The following TXK variants were observed in gnomAD, a reference collection of about 807,000 sequenced individuals.
TXK encodes the protein tyrosine-protein kinase TXK.
Under a neutral mutation model 81.0 loss-of-function variants are expected in TXK, and 60 were observed. The observed-to-expected ratio is 0.74, with a 90% CI of 0.60 to 0.92. The LOEUF (loss-of-function observed/expected upper bound fraction) is 0.92, where lower values mean the gene tolerates loss of function less well. Among genes scored for constraint, TXK ranks in the 40% least tolerant of loss-of-function variants. The probability of loss-of-function intolerance (pLI) is 0.00; values close to 1 mark genes in which losing one functional copy is unlikely to be tolerated. For missense variants in TXK, 581 were observed against 638.3 expected (o/e 0.91, Z 0.97); for synonymous variants, 203 against 210.7 (o/e 0.96, Z 0.32).
chr4:48,069,332 T>TTTCC (rs61537923), intron 14 of TXK, among the ~76,000 whole-genome samples: 44 of 137,376 alleles, frequency 3.2e-4, no homozygotes, highest in Non-Finnish European at 3.7e-4. Context: ...TTTTCTTTTT[T>TTTCC]TTTTTTTTTT....
At chr4:48,121,505 C>T (rs1718961141) in intron 1 of TXK, among the ~76,000 whole-genome samples, 1 of 152,154 alleles carries the variant, frequency 6.6e-6, no homozygotes, top group African/African-American at 2.4e-5. Context: ...TCCAGATCCT[C>T]CGACAGATAT....
At chr4:48,109,167 T>C (rs868125649) in intron 5 of TXK, among the ~76,000 whole-genome samples, 1 of 148,086 alleles carries the variant, frequency 6.8e-6, no homozygotes, top group Admixed American at 6.9e-5. Flanking sequence ...CTTGAGTAGA[T>C]AGCTGTGGAA....
chr4:48,113,136 C>A (rs1002653661), intron 3 of TXK, 71 bp downstream of exon 3: 1 of 1,062,632 alleles, frequency 9.4e-7, no homozygotes, highest in Middle Eastern at 2.1e-4. Flanking sequence ...CAACAAACAG[C>A]ACCTCATGAA....
rs925214318 is a variant in TXK at position 48,129,588 on chromosome 4, A to C, written c.16+4567T>G. ...CAGGGAAGACAATGTTTCTGGGAGT[A>C]AAAGGTGCTGTAAGGAAAGGCAGAA... On this transcript the variant is annotated intron_variant, in intron 1 of 14. Transcript: ENST00000264316. 4.9e-4 allele frequency among the ~76,000 whole-genome samples: 75 copies of C among 152,296 alleles called. 1 individual carries two copies. Among genetic ancestry groups the C allele is most frequent in the Non-Finnish European group, 3.7e-4 (25 of 68,030 alleles).
At chr4:48,115,203 C>T (rs1718764922) in intron 1 of TXK, among the ~76,000 whole-genome samples, 1 of 152,002 alleles carries the variant, frequency 6.6e-6, no homozygotes, top group Admixed American at 6.6e-5. Flanking sequence ...CTCCCCTTGC[C>T]CTCCACCCCA....
At chr4:48,120,277 G>A (rs978204917) in intron 1 of TXK, among the ~76,000 whole-genome samples, 21 of 146,392 alleles carry the variant, frequency 1.4e-4, no homozygotes, top group East Asian at 4.0e-4. Context: ...ACATATATAC[G>A]TATATATGTA....
At position 48,076,469 on chromosome 4, in the gene TXK, A is replaced by G. The variant is rs1717073494; in HGVS notation, c.1174-3T>C. The G allele has an allele frequency of 1.9e-6, 3 of 1,607,652 alleles. No individual in the cohort carries two copies. The highest frequency in any genetic ancestry group is 1.3e-5 in the African/African-American group (1 of 74,502). ...CTGACCAAACAATTCCTTGCCGCCT[A>G]TGGAAAGAAGAAAAGAATCCAAGTT... is the stretch of plus-strand genomic sequence containing the variant. On this transcript the variant is annotated splice_region_variant and splice_polypyrimidine_tract_variant and intron_variant, in intron 11 of 14. Coordinates refer to ENST00000264316, the MANE Select transcript of TXK (RefSeq NM_003328.3).
Position 48,066,603 on chromosome 4 carries a change from T to C in TXK, c.*1034A>G, listed in dbSNP as rs1445856660. 2 of 152,150 alleles carry C rather than the reference T, an allele frequency of 1.3e-5. No individual in the cohort carries two copies. The highest frequency in any genetic ancestry group is 2.9e-5 in the Non-Finnish European group (2 of 68,008). The allele number at this position is 152,150 out of a possible 1,614,324, so 9.4% of individuals were successfully genotyped here. On this transcript the variant is annotated 3_prime_UTR_variant, in exon 15 of 15. Coordinates refer to ENST00000264316, the MANE Select transcript of TXK (RefSeq NM_003328.3). ...CTCCTGTTGTCAGACTTCATGGTGA[T>C]TACATTAGTGCTTTCTCCAGTATCT...
At chr4:48,128,789 G>T (rs572706627) in intron 1 of TXK, among the ~76,000 whole-genome samples, 4 of 151,668 alleles carry the variant, frequency 2.6e-5, no homozygotes, top group Non-Finnish European at 5.9e-5. Context: ...GGATGGTCTC[G>T]ATCTCCTGAC....
chr4:48,129,563 C>G (rs1301894610), intron 1 of TXK, among the ~76,000 whole-genome samples: 1 of 152,042 alleles, frequency 6.6e-6, no homozygotes, highest in Non-Finnish European at 1.5e-5. Flanking sequence ...TCCCGGGCAC[C>G]AGGGAAGACA....
In TXK at chr4:48,071,510, T is replaced by C. The variant is rs960831965; in HGVS notation, c.1515+7A>G. On this transcript the variant is annotated splice_region_variant and intron_variant, in intron 14 of 14. Transcript: ENST00000264316. ...CCAACCTTCATAGGAAAGTAACATA[T>C]GCTTACCTCATGCCAGCAGCTGTAC... 11 of 1,611,380 alleles carry C rather than the reference T, an allele frequency of 6.8e-6. No homozygotes were observed. In the African/African-American group the frequency reaches 8.0e-5, roughly 12 times the overall value.
intron 1 of TXK, 80 bp from the exon 2 acceptor site, chr4:48,114,482 C>T (rs889515032): frequency 6.4e-6 from 9 of 1,398,382 alleles, no homozygotes; most frequent in East Asian, 2.3e-5. Flanking sequence ...AAGGGTGAGA[C>T]GAATTATTAT....
intron 7 of TXK, among the ~76,000 whole-genome samples, chr4:48,094,637 G>T (rs1429071853): frequency 6.6e-6 from 1 of 152,194 alleles, no homozygotes; most frequent in Non-Finnish European, 1.5e-5. Context: ...GAACCTAGGA[G>T]AGACTGGGGA....
intron 6 of TXK, among the ~76,000 whole-genome samples, chr4:48,096,586 T>C (rs1195205192): frequency 6.6e-6 from 1 of 152,238 alleles, no homozygotes; most frequent in Admixed American, 6.5e-5. Context: ...AATGGCATGA[T>C]CTCGGCTCAC....
At chr4:48,102,948 C>CA (rs1327332148) in intron 6 of TXK, among the ~76,000 whole-genome samples, 2 of 152,036 alleles carry the variant, frequency 1.3e-5, no homozygotes, top group Non-Finnish European at 2.9e-5. Context: ...AACACATGGA[C>CA]AAAACAGGAA....
intron 1 of TXK, 31 bp downstream of exon 1, chr4:48,134,124 A>C (rs775676896): frequency 4.3e-6 from 7 of 1,612,102 alleles, no homozygotes; most frequent in East Asian, 4.5e-5. Context: ...AACAAGCCCC[A>C]AAAATAAATG....
chr4:48,114,210 G>A (rs1718729362), intron 2 of TXK, 138 bp downstream of exon 2: 2 of 767,284 alleles, frequency 2.6e-6, no homozygotes, highest in Non-Finnish European at 4.3e-6. Context: ...TAAACAAATA[G>A]GCATTCCACA....
intron 14 of TXK, 39 bp downstream of exon 14, chr4:48,071,478 G>C (rs751271733): frequency 6.3e-7 from 1 of 1,583,254 alleles, no homozygotes; most frequent in South Asian, 1.1e-5. Flanking sequence ...CTCAGATGCT[G>C]GGACTGCCAA....
intron 13 of TXK, among the ~76,000 whole-genome samples, chr4:48,072,301 C>T (rs895050451): frequency 1.3e-5 from 2 of 152,182 alleles, no homozygotes; most frequent in African/African-American, 4.8e-5. Flanking sequence ...TCACGCCCGG[C>T]CTAGCATTTT....
Sources: allele counts gnomAD v4.1 joint callset (sites outside exome capture counted in the v4.1 genomes callset), GRCh38; gene constraint gnomAD v4.1.1; transcripts MANE v1.5; gene names NCBI Gene and HGNC (gene_info 2026-07-23, HGNC 2026-07-21).